COMMD5: variants seen among roughly 807,000 people sequenced by gnomAD.
COMMD5 encodes the protein COMM domain containing 5.
COMMD5 carries 10 observed loss-of-function variants against 6.9 expected under a neutral mutation model. The ratio of observed to expected loss-of-function variants is 1.44; its 90% confidence interval spans 0.89 to 2.45. The LOEUF (loss-of-function observed/expected upper bound fraction) is 2.45. COMMD5 is among the 30% of genes most tolerant of loss of function. The pLI is 0.00. For synonymous variants in COMMD5, 127 were observed against 125.3 expected, an observed-to-expected ratio of 1.01 and a Z score of -0.09; for missense variants, 234 against 287.8, an observed-to-expected ratio of 0.81 and a Z score of 1.35.
chr8:144,842,473 C>T, intron 1 of COMMD5: 2 of 1,614,148 alleles, frequency 1.2e-6, no homozygotes, highest in South Asian at 1.1e-5. Context: ...TAGTTCACGG[C>T]TTATTCGCCA....
At chr8:144,843,387 A>T (rs1344300668) in intron 1 of COMMD5, 2 of 488,254 alleles carry the variant, frequency 4.1e-6, no homozygotes, top group Non-Finnish European at 7.0e-6. Flanking sequence ...CAGGAGGTTG[A>T]GACCATCCTG....
chr8:144,843,381 AGGTT>A, intron 1 of COMMD5: 1 of 507,194 alleles, frequency 2.0e-6, no homozygotes, highest in Non-Finnish European at 3.3e-6. Context: ...CGAGGTCAGG[AGGTT>A]GAGACCATCC....
rs767842674 is a variant in COMMD5 at position 144,841,440 on chromosome 8, C to T, written c.*420G>A. 8.7e-6 allele frequency: 14 copies of T among 1,614,234 alleles called. No individual in the cohort carries two copies. In the Admixed American group the frequency reaches 2.3e-4, roughly 27 times the overall value. ...AATCCTATGGGACAGTGGTCAGAATCTCCCCACAGGACTTTCCTCAGAATC... is the reference window on the plus strand; with the variant it reads ...AATCCTATGGGACAGTGGTCAGAATTTCCCCACAGGACTTTCCTCAGAATC... On this transcript the variant is annotated 3_prime_UTR_variant and NMD_transcript_variant, in exon 2 of 2. Transcript: ENST00000530332.
intron 1 of COMMD5, chr8:144,841,840 C>A (rs1196517563): frequency 1.9e-6 from 3 of 1,614,160 alleles, no homozygotes; most frequent in Non-Finnish European, 2.5e-6. Flanking sequence ...AAATAACTGC[C>A]ATGGAGAGAA....
At chr8:144,842,482 C>A in intron 1 of COMMD5, 1 of 1,614,142 alleles carries the variant, frequency 6.2e-7, no homozygotes, top group Non-Finnish European at 8.5e-7. Context: ...GCTTATTCGC[C>A]ATCAGAGAAC....
At chr8:144,843,296 T>C (rs931018309) in intron 1 of COMMD5, 77 of 1,220,892 alleles carry the variant, frequency 6.3e-5, no homozygotes, top group Non-Finnish European at 8.4e-5. Flanking sequence ...CTCTCAAGAA[T>C]ATCCAACTTC....
At chr8:144,841,914 G>C (rs137961648) in intron 1 of COMMD5, 16 of 1,614,034 alleles carry the variant, frequency 9.9e-6, no homozygotes, top group East Asian at 2.2e-5. Context: ...ATCAGCATCA[G>C]AGAATCCACA....
At chr8:144,842,184 G>T in intron 1 of COMMD5, 1 of 1,614,046 alleles carries the variant, frequency 6.2e-7, no homozygotes, top group Non-Finnish European at 8.5e-7. Flanking sequence ...ACACTGGGGA[G>T]AGGCCCTACC....
At chr8:144,840,790 G>C (rs1829789544), downstream of COMMD5, among the ~76,000 whole-genome samples, 1 of 152,150 alleles carries the variant, frequency 6.6e-6, no homozygotes, top group Non-Finnish European at 1.5e-5. Flanking sequence ...GCAGCCAGGA[G>C]GCAGCTGAGG....
downstream of COMMD5, among the ~76,000 whole-genome samples, chr8:144,847,695 T>C (rs1310463810): frequency 1.3e-5 from 2 of 152,178 alleles, no homozygotes; most frequent in African/African-American, 2.4e-5. Flanking sequence ...AAATGTTTGC[T>C]GAATGAGTGA....
chr8:144,849,990 C>T (rs1209889), downstream of COMMD5, among the ~76,000 whole-genome samples: 2 of 152,170 alleles, frequency 1.3e-5, no homozygotes, highest in Admixed American at 6.5e-5. Context: ...GCCTTAAGCA[C>T]GTCAGGCCTC....
At chr8:144,838,061 C>A (rs192197055), downstream of COMMD5, 10 of 702,790 alleles carry the variant, frequency 1.4e-5, no homozygotes, top group East Asian at 1.1e-4. Context: ...GCCGTGCCCC[C>A]CTGTGAAGGC....
intron 1 of COMMD5, among the ~76,000 whole-genome samples, chr8:144,843,995 G>A (rs11988456): frequency 6.6e-6 from 1 of 152,128 alleles, no homozygotes; most frequent in Non-Finnish European, 1.5e-5. Flanking sequence ...GGCTGGGCTA[G>A]CAGGTACACG....
chr8:144,843,328 G>GC, intron 1 of COMMD5: 1 of 872,020 alleles, frequency 1.1e-6, no homozygotes, highest in South Asian at 2.1e-5. Context: ...GGTGGCTTAT[G>GC]CCTGTCATCC....
chr8:144,850,774 G>A lies in COMMD5; in HGVS notation c.565C>T (p.Arg189Cys), dbSNP rs768957151. Residue 189 changes from arginine to cysteine, a missense_variant, in exon 2 of 2, where the codon CGC (arginine) becomes TGC (cysteine). Physicochemically the swap from Arg to Cys is radical, Grantham distance 180. Transcript: ENST00000305103. The surrounding 1 kb of genome is among the most constrained non-coding windows in gnomAD (Gnocchi z 4.0). The part of the protein sequence containing the change: ...QLKLSDGSAY[R>C]FEVPTAKFQE... ...AACTTGGCTGTGGGGACCTCAAAGC[G>A]GTATGCTGACCCATCTGAAAGCTTC... 34 of 1,614,032 alleles carry A rather than the reference G, an allele frequency of 2.1e-5. No individual in the cohort carries two copies. The highest frequency in any genetic ancestry group is 6.7e-5 in the Admixed American group (4 of 60,008).
downstream of COMMD5, chr8:144,846,165 T>C (rs765472541): frequency 2.0e-4 from 300 of 1,535,994 alleles, no homozygotes; most frequent in Non-Finnish European, 3.4e-5. Flanking sequence ...ACGTCAGCCA[T>C]ATGGATGGTC....
At position 144,843,019 on chromosome 8, in the gene COMMD5, G is replaced by C. The variant is rs1401435920; in HGVS notation, c.*117-1276C>G. 12 of 1,614,090 alleles carry C rather than the reference G, an allele frequency of 7.4e-6. No individual in the cohort carries two copies. The East Asian group carries it at 2.7e-4, about 36-fold the overall frequency. On this transcript the variant is annotated intron_variant and NMD_transcript_variant, in intron 1 of 1. Transcript: ENST00000530332. Reference sequence around the variant, plus strand: ...TATAAAGAAACTGCATCAGTGTGAAGACTGTGAGAAGATATTTAGGTGGCG... The same window carrying C: ...TATAAAGAAACTGCATCAGTGTGAACACTGTGAGAAGATATTTAGGTGGCG...
chr8:144,843,212 C>CCTTAA lies in COMMD5; in HGVS notation c.*117-1474_*117-1470dup, dbSNP rs751094974. On this transcript the variant is annotated intron_variant and NMD_transcript_variant, in intron 1 of 1. Transcript: ENST00000530332. ...TGTATATATGTGAATAAACCTATAGCCTTAACTTACTTATTTTATATGGAA... is the reference window on the plus strand; with the variant it reads ...TGTATATATGTGAATAAACCTATAGCCTTAACTTAACTTACTTATTTTATATGGAA... 7.6e-5 allele frequency: 114 copies of CCTTAA among 1,503,390 alleles called. 1 individual carries two copies. The South Asian group carries it at 1.5e-3, about 20-fold the overall frequency. The allele number at this position is 1,503,390 out of a possible 1,614,324, so 93.1% of individuals were successfully genotyped here. A position where few individuals can be genotyped will look rare whatever the true frequency, so the allele number is the denominator to read the frequency against.
chr8:144,842,442 G>A (rs754823897), intron 1 of COMMD5: 1 of 1,613,944 alleles, frequency 6.2e-7, no homozygotes, highest in Non-Finnish European at 8.5e-7. Context: ...AATGCAACAA[G>A]TGTACAAAAG....
Sources: allele counts gnomAD v4.1 joint callset (sites outside exome capture counted in the v4.1 genomes callset), GRCh38; gene constraint gnomAD v4.1.1; non-coding constraint Gnocchi (gnomAD v3.1); transcripts MANE v1.5; gene names NCBI Gene and HGNC (gene_info 2026-07-23, HGNC 2026-07-21).